ABCA13: variants seen among roughly 807,000 people sequenced by gnomAD.
The protein encoded by ABCA13 is ATP-binding cassette sub-family A member 13.
In ABCA13, 476 loss-of-function variants were observed where a neutral mutation model predicts 478.7. The observed-to-expected ratio is 0.99, with a 90% CI of 0.92 to 1.07. ABCA13 has a LOEUF of 1.07. ABCA13 is among the 50% of genes least tolerant of loss of function. ABCA13 has a pLI of 0.00. For missense variants in ABCA13, 6,060 were observed against 5,910.6 expected, an observed-to-expected ratio of 1.03 and a Z score of -0.83; for synonymous variants, 2,252 against 2,158.9, an observed-to-expected ratio of 1.04 and a Z score of -1.20.
chr7:48,384,574 C>A (rs1814882856), intron 35 of ABCA13, among the ~76,000 whole-genome samples: 1 of 152,190 alleles, frequency 6.6e-6, no homozygotes, highest in Non-Finnish European at 1.5e-5. Context: ...CTGGACAGTG[C>A]CTGGAACACA....
chr7:48,177,777 T>C (rs1795084196), intron 1 of ABCA13, among the ~76,000 whole-genome samples: 1 of 152,180 alleles, frequency 6.6e-6, no homozygotes. Context: ...TAATTCAACT[T>C]CTGTTTGGCT....
chr7:48,348,038 C>A lies in ABCA13; in HGVS notation c.10205-2605C>A, dbSNP rs544850925. On this transcript the variant is annotated intron_variant, in intron 29 of 61. Coordinates refer to ENST00000435803, the MANE Select transcript of ABCA13 (RefSeq NM_152701.5). ...TCCATCTGACCCATAGTCCACAAGG[C>A]CCAGTAGACGGTGGAGATCCTGTGT... Among the ~76,000 whole-genome samples the A allele has an allele frequency of 3.9e-5, 6 of 152,328 alleles. No individual in the cohort carries two copies. The East Asian group carries it at 1.2e-3, about 29-fold the overall frequency.
At chr7:48,383,446 T>C (rs1814707584) in intron 35 of ABCA13, among the ~76,000 whole-genome samples, 1 of 152,220 alleles carries the variant, frequency 6.6e-6, no homozygotes, top group Admixed American at 6.5e-5. Context: ...TGAAATCATA[T>C]TTATCTTTGT....
intron 27 of ABCA13, among the ~76,000 whole-genome samples, chr7:48,331,841 A>G (rs1353309178): frequency 6.6e-6 from 1 of 152,154 alleles, no homozygotes; most frequent in Admixed American, 6.5e-5. Flanking sequence ...GAACAACCAT[A>G]TCACAGCAGG....
At chr7:48,311,750 A>G (rs1008557417) in intron 24 of ABCA13, among the ~76,000 whole-genome samples, 3 of 152,194 alleles carry the variant, frequency 2.0e-5, no homozygotes, top group African/African-American at 7.2e-5. Flanking sequence ...TAAATACAAG[A>G]TATGGCTCAG....
Position 48,376,430 on chromosome 7 carries a change from C to A in ABCA13, c.11204-11C>A. 6.2e-7 allele frequency: 1 copy of A among 1,611,114 alleles called. No individual in the cohort carries two copies. On this transcript the variant is annotated splice_polypyrimidine_tract_variant and intron_variant, in intron 34 of 61. Transcript: ENST00000435803. ...GTGCAGTTCTAACTCTGACCTTTTTCTTCCTGCTAGGGATTCAATGGAATA... is the reference window on the plus strand; with the variant it reads ...GTGCAGTTCTAACTCTGACCTTTTTATTCCTGCTAGGGATTCAATGGAATA...
rs1832145750 is a variant in ABCA13, at chr7:48,516,728, T to C, written c.13644T>C (p.Tyr4548=). ...TACTTTTCACTTTACTTTTCAGATATGCAACTCTTCCATGGATGTACCTGA... is the reference window on the plus strand; with the variant it reads ...TACTTTTCACTTTACTTTTCAGATACGCAACTCTTCCATGGATGTACCTGA... ...ATALLLSLFG[Y]ATLPWMYLMS... is the part of the protein sequence containing the mutation. The change falls in exon 52 of 62, where the codon TAT becomes TAC. Residue 4548 remains tyrosine, a synonymous_variant. Coordinates refer to ENST00000435803, the MANE Select transcript of ABCA13 (RefSeq NM_152701.5). 6.2e-7 allele frequency: 1 copy of C among 1,613,346 alleles called. No homozygotes were observed. The highest frequency in any genetic ancestry group is 1.1e-5 in the South Asian group (1 of 90,950).
intron 42 of ABCA13, among the ~76,000 whole-genome samples, chr7:48,452,736 C>T (rs1038322929): frequency 6.6e-6 from 1 of 152,096 alleles, no homozygotes; most frequent in African/African-American, 2.4e-5. Context: ...TATTCAGTTC[C>T]TTTTAAGCCT....
chr7:48,338,352 T>C lies in ABCA13; in HGVS notation c.10114-13T>C. 6.5e-7 allele frequency: 1 copy of C among 1,548,282 alleles called. No homozygotes were observed. Among genetic ancestry groups the C allele is most frequent in the Non-Finnish European group, 8.8e-7 (1 of 1,139,142 alleles). On this transcript the variant is annotated splice_polypyrimidine_tract_variant and intron_variant, in intron 28 of 61. Coordinates refer to ENST00000435803, the MANE Select transcript of ABCA13 (RefSeq NM_152701.5). The stretch of plus-strand genomic sequence containing the variant: ...TGCAATTATTTTTATTAAGCTATAT[T>C]ATTTTTCTTTAGGAGGCCCTGAGAA...
At position 48,391,838 on chromosome 7, in the gene ABCA13, C is replaced by T. The variant is rs78907304; in HGVS notation, c.11655-83C>T. The T allele has an allele frequency of 3.1e-3, 4,119 of 1,320,708 alleles. 110 individuals are homozygous for T. In the African/African-American group the frequency reaches 0.051, roughly 16 times the overall value. 81.8% of individuals were successfully genotyped at this position (1,320,708 alleles called of 1,614,324 possible). A position where few individuals can be genotyped will look rare whatever the true frequency, so the allele number is the denominator to read the frequency against. On this transcript the variant is annotated intron_variant, in intron 37 of 61. Coordinates refer to ENST00000435803, the MANE Select transcript of ABCA13 (RefSeq NM_152701.5). ...GTGAGTGCTCTTGGCAGGATGCATG[C>T]GCCATCCTGGAGCTGACTGGATTGC...
At chr7:48,378,180 G>A (rs986759413) in intron 35 of ABCA13, among the ~76,000 whole-genome samples, 1 of 152,130 alleles carries the variant, frequency 6.6e-6, no homozygotes, top group African/African-American at 2.4e-5. Context: ...ATATTTGAAG[G>A]GAAGAAAAGG....
At chr7:48,629,270 A>G (rs1012488564) in intron 59 of ABCA13, among the ~76,000 whole-genome samples, 1 of 152,192 alleles carries the variant, frequency 6.6e-6, no homozygotes, top group Non-Finnish European at 1.5e-5. Context: ...GCCATTCCAG[A>G]ATCCAACTGT....
intron 42 of ABCA13, among the ~76,000 whole-genome samples, chr7:48,441,189 A>G (rs778267709): frequency 1.1e-4 from 16 of 152,204 alleles, no homozygotes; most frequent in Non-Finnish European, 2.2e-4. Context: ...ATGTAACTTA[A>G]TCACAACATT....
intron 43 of ABCA13, among the ~76,000 whole-genome samples, chr7:48,465,545 T>G (rs578177663): frequency 6.6e-6 from 1 of 151,996 alleles, no homozygotes; most frequent in East Asian, 1.9e-4. Flanking sequence ...TTTTTGCATT[T>G]TCTGTTTTAA....
intron 35 of ABCA13, among the ~76,000 whole-genome samples, chr7:48,382,213 T>C: frequency 6.6e-6 from 1 of 152,180 alleles, no homozygotes; most frequent in Non-Finnish European, 1.5e-5. Context: ...CCTACTCCTC[T>C]AGGTATCCCC....
rs17132198 is a variant in ABCA13 at position 48,276,301 on chromosome 7, T to C, written c.6635T>C (p.Leu2212Ser). 14,170 of 1,558,206 alleles carry C rather than the reference T, an allele frequency of 9.1e-3. 120 individuals carry two copies. The highest frequency in any genetic ancestry group is 0.056 in the Middle Eastern group (322 of 5,788). The change falls in exon 17 of 62, where the codon TTG becomes TCG. Residue 2212 changes from leucine to serine, a missense_variant. Transcript: ENST00000435803. Reference protein sequence around the residue: ...QLLFENILINLINNLAGNSQE... With the variant: ...QLLFENILINSINNLAGNSQE... ...CTTTTTGAAAACATCCTAATTAATT[T>C]GATCAATAACTTAGCTGGGAATTCT... is the stretch of plus-strand genomic sequence containing the variant.
chr7:48,337,414 A>G (rs1381438463), intron 28 of ABCA13, among the ~76,000 whole-genome samples: 2 of 152,246 alleles, frequency 1.3e-5, no homozygotes, highest in African/African-American at 4.8e-5. Context: ...AAAGAAAAGC[A>G]AACACCAAAC....
intron 44 of ABCA13, among the ~76,000 whole-genome samples, chr7:48,469,137 T>A (rs1484683599): frequency 6.6e-6 from 1 of 152,238 alleles, no homozygotes; most frequent in Non-Finnish European, 1.5e-5. Flanking sequence ...AATCTTATAT[T>A]TCTATCAAAC....
At chr7:48,324,103 T>G (rs1457466507) in intron 27 of ABCA13, among the ~76,000 whole-genome samples, 1 of 152,136 alleles carries the variant, frequency 6.6e-6, no homozygotes, top group Non-Finnish European at 1.5e-5. Flanking sequence ...CCTGTATTAG[T>G]TTTCTCAGGC....
Sources: gnomAD v4.1 joint callset for allele counts (sites outside exome capture counted in the v4.1 genomes callset) on GRCh38, gnomAD v4.1.1 for gene constraint, MANE v1.5 for transcripts, NCBI Gene and HGNC (gene_info 2026-07-23, HGNC 2026-07-21) for gene names.